The following DMD variants were observed in gnomAD, a reference collection of about 807,000 sequenced individuals.
The protein encoded by DMD is mutant dystrophin.
A neutral mutation model predicts 330.1 loss-of-function variants in DMD; 63 were observed. The ratio of observed to expected loss-of-function variants is 0.19; its 90% CI spans 0.16 to 0.24. DMD has a LOEUF of 0.24. Ranked by LOEUF, DMD falls within the 10% of genes least tolerant of loss-of-function variation. DMD has a pLI of 1.00. For synonymous variants in DMD, 1,223 were observed against 959.8 expected (o/e 1.27, Z -5.07); for missense variants, 3,344 against 2,684.1 (o/e 1.25, Z -5.43).
chrX:31,392,022 CCA>C (rs1199260385), intron 60 of DMD, among the ~76,000 whole-genome samples: 1 of 111,057 alleles, frequency 9.0e-6, no homozygotes, highest in Non-Finnish European at 1.9e-5. Flanking sequence ...TTATCTATTT[CCA>C]CACACACAAA....
chrX:33,234,373 G>A (rs184751477), intron 1 of DMD, among the ~76,000 whole-genome samples: 24 of 110,377 alleles, frequency 2.2e-4, no homozygotes, highest in African/African-American at 7.6e-4. Flanking sequence ...TTGTGTGTGC[G>A]TCTATGTGTG....
chrX:32,200,221 C>A (rs1336337276), intron 44 of DMD, among the ~76,000 whole-genome samples: 1 of 110,775 alleles, frequency 9.0e-6, no homozygotes, highest in Non-Finnish European at 1.9e-5. Context: ...GCTCCCTGCT[C>A]CAGCTCACTT....
At position 33,273,911 on chromosome X, in the gene DMD, C is replaced by T. The variant is rs754155203; in HGVS notation, c.7+65348G>A. Among the ~76,000 whole-genome samples, 9 of 112,130 alleles carry T rather than the reference C, an allele frequency of 8.0e-5. 1 individual carries two copies. The South Asian group carries it at 3.0e-3, about 37-fold the overall frequency. On this transcript the variant is annotated intron_variant, in intron 1 of 17. Coordinates refer to the DMD transcript ENST00000288447. ...TAATAAGAAATATTGCCTCACAATA[C>T]CACAGCTCTGTCCATCAATAGCAAA...
At chrX:31,131,785 A>G (rs956031282) in intron 77 of DMD, among the ~76,000 whole-genome samples, 2 of 111,637 alleles carry the variant, frequency 1.8e-5, no homozygotes, top group East Asian at 2.8e-4. Flanking sequence ...GCATCCAAAA[A>G]CCACTTTTTT....
At chrX:32,663,035 A>G (rs1212768255) in intron 9 of DMD, among the ~76,000 whole-genome samples, 1 of 111,855 alleles carries the variant, frequency 8.9e-6, no homozygotes, top group African/African-American at 3.2e-5. Flanking sequence ...GTAATGCATT[A>G]CATTTGTTGC....
chrX:33,193,989 A>G (rs1285075991), intron 1 of DMD, among the ~76,000 whole-genome samples: 1 of 110,599 alleles, frequency 9.0e-6, no homozygotes, highest in Non-Finnish European at 1.9e-5. Flanking sequence ...GGAGTATATA[A>G]TCTAGTAGCG....
chrX:32,093,142 G>A (rs1185707385), intron 44 of DMD, among the ~76,000 whole-genome samples: 1 of 112,062 alleles, frequency 8.9e-6, no homozygotes, highest in Non-Finnish European at 1.9e-5. Flanking sequence ...CTTCACAATA[G>A]AATTCTTTAA....
chrX:33,125,023 TAAAAAAAAAAAA>T (rs59232009), intron 1 of DMD, among the ~76,000 whole-genome samples: 2 of 27,864 alleles, frequency 7.2e-5, no homozygotes, highest in African/African-American at 1.2e-4. Flanking sequence ...AAAGTCCATC[TAAAAAAAAAAAA>T]AAAAAAAAAA....
At chrX:31,135,659 C>G (rs17340554) in intron 76 of DMD, among the ~76,000 whole-genome samples, 2,199 of 112,358 alleles carry the variant, frequency 0.02, 71 homozygotes, top group East Asian at 0.14. Context: ...AAATACACTT[C>G]AAACAGCATT....
At chrX:32,367,390 G>A (rs188631149) in intron 34 of DMD, among the ~76,000 whole-genome samples, 13 of 112,107 alleles carry the variant, frequency 1.2e-4, no homozygotes, top group Admixed American at 4.7e-4. Flanking sequence ...CTGGCATCTC[G>A]CTGTAGTTGA....
intron 38 of DMD, among the ~76,000 whole-genome samples, chrX:32,346,770 G>T (rs1375891342): frequency 6.3e-5 from 7 of 111,272 alleles, no homozygotes. Flanking sequence ...TGGGTATTTT[G>T]TTCCTTTAGG....
At chrX:32,825,744 T>C (rs753674202) in intron 4 of DMD, among the ~76,000 whole-genome samples, 1 of 111,685 alleles carries the variant, frequency 9.0e-6, no homozygotes, top group Non-Finnish European at 1.9e-5. Flanking sequence ...TGGAAACATA[T>C]GCTAAGTGAA....
At chrX:31,372,294 G>C (rs1162906788) in intron 60 of DMD, among the ~76,000 whole-genome samples, 1 of 112,201 alleles carries the variant, frequency 8.9e-6, no homozygotes, top group Non-Finnish European at 1.9e-5. Flanking sequence ...TTTAGGCATA[G>C]AGTACAAGTA....
chrX:31,250,651 A>G (rs5972351), intron 63 of DMD, among the ~76,000 whole-genome samples: 1 of 111,511 alleles, frequency 9.0e-6, no homozygotes, highest in Admixed American at 9.5e-5. Context: ...ATTCATGATC[A>G]ATGAATTCAT....
intron 29 of DMD, among the ~76,000 whole-genome samples, chrX:32,429,002 A>G (rs923105729): frequency 5.4e-5 from 6 of 111,331 alleles, no homozygotes; most frequent in African/African-American, 9.8e-5. Flanking sequence ...CTGGAAATAA[A>G]TTAGGTGTCT....
chrX:32,857,242 C>A (rs978597977), intron 2 of DMD, among the ~76,000 whole-genome samples: 2 of 111,916 alleles, frequency 1.8e-5, no homozygotes, highest in Admixed American at 9.5e-5. Context: ...TAATCTAAAA[C>A]AAAGCAACTT....
intron 11 of DMD, among the ~76,000 whole-genome samples, chrX:32,633,301 A>G (rs1354428720): frequency 9.0e-6 from 1 of 111,592 alleles, no homozygotes; most frequent in African/African-American, 3.3e-5. Context: ...GAGCATGGAC[A>G]TAATACAGCC....
chrX:31,348,252 C>T (rs907446713), intron 61 of DMD: 43 of 310,550 alleles, frequency 1.4e-4, no homozygotes, highest in Non-Finnish European at 2.5e-4. Flanking sequence ...TAGCATGGCT[C>T]CTGAGCAAAG....
At chrX:32,744,036 TA>T (rs2069656640) in intron 7 of DMD, among the ~76,000 whole-genome samples, 1 of 111,213 alleles carries the variant, frequency 9.0e-6, no homozygotes, top group Admixed American at 9.6e-5. Context: ...CCTGTCCTCA[TA>T]AACACACAAA....
Sources: gnomAD v4.1 joint callset for allele counts (sites outside exome capture counted in the v4.1 genomes callset) on GRCh38, gnomAD v4.1.1 for gene constraint, MANE v1.5 for transcripts, NCBI Gene and HGNC (gene_info 2026-07-23, HGNC 2026-07-21) for gene names.